The following FGF7 variants were observed in gnomAD, a reference collection of about 807,000 sequenced individuals.
FGF7 encodes the protein fibroblast growth factor 7.
Under a neutral mutation model 20.5 loss-of-function variants are expected in FGF7, and 6 were observed. The observed-to-expected ratio is 0.29, with a 90% CI of 0.16 to 0.58. The LOEUF (loss-of-function observed/expected upper bound fraction) is 0.58, where lower values mean the gene tolerates loss of function less well. FGF7 is among the 20% of genes least tolerant of loss of function. FGF7 has a pLI of 0.90. For synonymous variants in FGF7, 64 were observed against 74.7 expected (o/e 0.86, Z 0.74); for missense variants, 144 against 228.8 (o/e 0.63, Z 2.39).
At position 49,457,290 on chromosome 15, in the gene FGF7, T is replaced by C. The variant is rs551505006; in HGVS notation, c.287-25861T>C. ...AATGCGGTAACAACGGTGTTAGTAA[T>C]AGAAATGGAAAAAAATCAAATCAGC... On this transcript the variant is annotated intron_variant, in intron 2 of 3. Transcript: ENST00000267843. Among the ~76,000 whole-genome samples the C allele has an allele frequency of 5.3e-5, 8 of 152,056 alleles. No individual in the cohort carries two copies. In the South Asian group the frequency reaches 1.7e-3, roughly 32 times the overall value.
At chr15:49,446,606 G>A (rs958679461) in intron 2 of FGF7, among the ~76,000 whole-genome samples, 4 of 151,378 alleles carry the variant, frequency 2.6e-5, no homozygotes, top group African/African-American at 9.7e-5. Context: ...CTTTTTTAAA[G>A]AAGAGAACAA....
chr15:49,424,694 A>C (rs2083762338), intron 2 of FGF7, 111 bp downstream of exon 2: 2 of 832,518 alleles, frequency 2.4e-6, no homozygotes, highest in Admixed American at 3.0e-5. Context: ...AAATTAAATA[A>C]AATGTCACCT....
At chr15:49,437,771 A>G (rs2051242139) in intron 2 of FGF7, among the ~76,000 whole-genome samples, 1 of 151,682 alleles carries the variant, frequency 6.6e-6, no homozygotes, top group Non-Finnish European at 1.5e-5. Context: ...GCAAGCACCC[A>G]CCATTGAAAA....
chr15:49,429,825 G>T (rs1472716895), intron 2 of FGF7, among the ~76,000 whole-genome samples: 1 of 151,844 alleles, frequency 6.6e-6, no homozygotes, highest in Admixed American at 6.6e-5. Context: ...TTAGATTACT[G>T]GGGAATTAAG....
chr15:49,462,305 T>G (rs967545636), intron 2 of FGF7, among the ~76,000 whole-genome samples: 3 of 152,202 alleles, frequency 2.0e-5, no homozygotes, highest in African/African-American at 7.2e-5. Context: ...AAATAATTTC[T>G]AAACATGTAT....
At chr15:49,433,255 G>A (rs1337560855) in intron 2 of FGF7, among the ~76,000 whole-genome samples, 1 of 151,446 alleles carries the variant, frequency 6.6e-6, no homozygotes, top group African/African-American at 2.4e-5. Flanking sequence ...CATCTGCCTT[G>A]TCTTATGATT....
Position 49,424,576 on chromosome 15 carries a change from T to A in FGF7, c.279T>A (p.Asn93Lys). Residue 93 changes from asparagine (N) to lysine (K), a missense_variant, in exon 2 of 4, where the codon AAT becomes AAA. This residue lies in a region of FGF7 where 56 missense variants were observed against 125.4 expected (regional missense o/e 0.45). Coordinates refer to ENST00000267843, the MANE Select transcript of FGF7 (RefSeq NM_002009.4). ...TAAAAGGGACCCAAGAGATGAAGAA[T>A]AATTACAGTAAGTAATTTTAAGTAC... ...GKVKGTQEMK[N>K]NYNIMEIRTV... 3.2e-6 allele frequency: 5 copies of A among 1,549,350 alleles called. No homozygotes were observed. Among genetic ancestry groups the A allele is most frequent in the Non-Finnish European group, 4.4e-6 (5 of 1,139,542 alleles).
intron 2 of FGF7, among the ~76,000 whole-genome samples, chr15:49,471,484 A>AAT: frequency 7.3e-6 from 1 of 137,852 alleles, no homozygotes; most frequent in African/African-American, 2.7e-5. Context: ...CTCTATCTCA[A>AAT]AATAATAATA....
intron 2 of FGF7, among the ~76,000 whole-genome samples, chr15:49,467,097 TA>T (rs1209529012): frequency 5.3e-5 from 8 of 152,094 alleles, no homozygotes; most frequent in African/African-American, 1.9e-4. Flanking sequence ...GAAGAAAGAT[TA>T]CATTATATAT....
rs1466874057 is a variant in FGF7, at chr15:49,486,805, T to A, written c.*2301T>A. ...TAATTATTTGTTTTTCTCCTATTTTTAAATTTATTATGCAAATTTTAGAAA... is the reference window on the plus strand; with the variant it reads ...TAATTATTTGTTTTTCTCCTATTTTAAAATTTATTATGCAAATTTTAGAAA... On this transcript the variant is annotated 3_prime_UTR_variant, in exon 4 of 4. Transcript: ENST00000267843. The A allele has an allele frequency of 6.6e-6, 1 of 151,950 alleles. No homozygotes were observed. Among genetic ancestry groups the A allele is most frequent in the Non-Finnish European group, 1.5e-5 (1 of 67,914 alleles). The allele number at this position is 151,950 out of a possible 1,614,324, so 9.4% of individuals were successfully genotyped here. A position where few individuals can be genotyped will look rare whatever the true frequency, so the allele number is the denominator to read the frequency against.
intron 2 of FGF7, among the ~76,000 whole-genome samples, chr15:49,461,724 T>C (rs894263324): frequency 6.6e-6 from 1 of 152,236 alleles, no homozygotes; most frequent in African/African-American, 2.4e-5. Context: ...AAAATTTTTA[T>C]ACTCCATTAA....
chr15:49,472,884 G>A (rs2054906726), intron 2 of FGF7, among the ~76,000 whole-genome samples: 1 of 150,730 alleles, frequency 6.6e-6, no homozygotes, highest in South Asian at 2.1e-4. Context: ...TGACAAATAA[G>A]AGAAAGGAGT....
At chr15:49,471,257 GGGTGGATCACCTA>G (rs1256686748) in intron 2 of FGF7, among the ~76,000 whole-genome samples, 2 of 29,460 alleles carry the variant, frequency 6.8e-5, no homozygotes, top group Non-Finnish European at 4.3e-4. Flanking sequence ...AGGCCGAGGT[GGGTGGATCACCTA>G]GGTCAGGAGT....
chr15:49,439,984 C>CGTTTA (rs1351383173), intron 2 of FGF7, among the ~76,000 whole-genome samples: 7 of 151,648 alleles, frequency 4.6e-5, no homozygotes, highest in Non-Finnish European at 8.9e-5. Flanking sequence ...GGATTCAAAG[C>CGTTTA]GTTTATCACA....
intron 2 of FGF7, among the ~76,000 whole-genome samples, chr15:49,470,581 AAAATG>A (rs1398605366): frequency 3.3e-5 from 5 of 152,184 alleles, no homozygotes; most frequent in African/African-American, 1.2e-4. Context: ...CTTAATTCTC[AAAATG>A]ACCTGTGTTT....
intron 2 of FGF7, among the ~76,000 whole-genome samples, chr15:49,471,309 A>G (rs2151965966): frequency 6.6e-6 from 1 of 151,546 alleles, no homozygotes; most frequent in Admixed American, 6.6e-5. Context: ...ACATGGCAAA[A>G]CCCCTCCTCT....
At chr15:49,475,707 G>A (rs555699758) in intron 2 of FGF7, among the ~76,000 whole-genome samples, 32 of 152,162 alleles carry the variant, frequency 2.1e-4, no homozygotes, top group African/African-American at 7.7e-4. Flanking sequence ...TTACAGCTGG[G>A]GCGGGCACGG....
intron 2 of FGF7, among the ~76,000 whole-genome samples, chr15:49,476,408 C>T (rs995544552): frequency 1.3e-5 from 2 of 151,674 alleles, no homozygotes; most frequent in Non-Finnish European, 1.5e-5. Context: ...GTTTTCCATT[C>T]CCAAACACCT....
At chr15:49,473,407 G>A (rs989666653) in intron 2 of FGF7, among the ~76,000 whole-genome samples, 9 of 151,934 alleles carry the variant, frequency 5.9e-5, no homozygotes, top group African/African-American at 1.5e-4. Context: ...TCCAAAATTC[G>A]CTTTTATTTT....
Sources: gnomAD v4.1 joint callset for allele counts (sites outside exome capture counted in the v4.1 genomes callset) on GRCh38, gnomAD v4.1.1 for gene constraint, gnomAD v4.1.1 regional missense constraint, MANE v1.5 for transcripts, NCBI Gene and HGNC (gene_info 2026-07-23, HGNC 2026-07-21) for gene names.